Variants in SPTA1 observed in about 807,000 individuals in gnomAD.
SPTA1 encodes spectrin alpha, erythrocytic 1.
A neutral mutation model predicts 324.7 loss-of-function variants in SPTA1; 177 were observed. The ratio of observed to expected loss-of-function variants is 0.55; its 90% CI spans 0.48 to 0.62. SPTA1 has a LOEUF of 0.62. SPTA1 is among the 20% of genes least tolerant of loss of function. The probability of loss-of-function intolerance (pLI) is 0.00; values close to 1 mark genes in which losing one functional copy is unlikely to be tolerated. For synonymous variants in SPTA1, 1,195 were observed against 1,041.3 expected, an observed-to-expected ratio of 1.15 and a Z score of -2.84; for missense variants, 3,162 against 2,883.6, an observed-to-expected ratio of 1.10 and a Z score of -2.21.
intron 47 of SPTA1, among the ~76,000 whole-genome samples, chr1:158,616,255 A>C (rs1470674707): frequency 6.6e-6 from 1 of 152,196 alleles, no homozygotes; most frequent in Non-Finnish European, 1.5e-5. Flanking sequence ...TGCTAGAAAC[A>C]TTCAAAGTAT....
At position 158,661,303 on chromosome 1, in the gene SPTA1, G is replaced by T. The variant is rs754041614; in HGVS notation, c.2571C>A (p.Asn857Lys). Residue 857 changes from asparagine (N) to lysine (K), a missense_variant, in exon 18 of 52, where the codon AAC becomes AAA. Asn to Lys is a moderately conservative substitution (Grantham distance 94, BLOSUM62 0). Coordinates refer to ENST00000643759, the MANE Select transcript of SPTA1 (RefSeq NM_003126.4). ...CATACATACCTTCCTCTACCATTTTGTTTCCCCTTTCTGTTATCTCTTGAA... is the reference window on the plus strand; with the variant it reads ...CATACATACCTTCCTCTACCATTTTTTTTCCCCTTTCTGTTATCTCTTGAA... ...PRIQEITERG[N>K]KMVEEGHFAA... The T allele has an allele frequency of 1.9e-6, 3 of 1,613,830 alleles. No individual in the cohort carries two copies. The Admixed American group carries it at 5.0e-5, about 27-fold the overall frequency.
chr1:158,636,533 C>T (rs545595684), intron 37 of SPTA1, 108 bp downstream of exon 37: 44 of 1,281,432 alleles, frequency 3.4e-5, no homozygotes, highest in Non-Finnish European at 4.6e-5. Flanking sequence ...CTCTCTCTGA[C>T]CTTGACATCC....
intron 3 of SPTA1, among the ~76,000 whole-genome samples, 173 bp from the exon 4 acceptor site, chr1:158,681,840 C>A (rs16840546): frequency 0.032 from 4,896 of 152,206 alleles, 257 homozygotes; most frequent in African/African-American, 0.11. Context: ...AAATAGCTAA[C>A]AAGCCAAGCC....
In SPTA1 at chr1:158,642,522, C is replaced by G. The variant is rs1352401954; in HGVS notation, c.4626G>C (p.Gln1542His). Residue 1542 changes from glutamine to histidine, a missense_variant, in exon 33 of 52, where the codon CAG (glutamine) becomes CAC (histidine). By Grantham distance (24) the Gln-to-His change is conservative (BLOSUM62 0). Coordinates refer to ENST00000643759, the MANE Select transcript of SPTA1 (RefSeq NM_003126.4). ...GGCCATCGACTTCATGTGCAAAGGT[C>G]TGGTGTTTCAGGTATTTCCTCTGAA... Reference protein sequence around the residue: ...TNIQRKYLKHQTFAHEVDGRS... With the variant: ...TNIQRKYLKHHTFAHEVDGRS... 3.1e-6 allele frequency: 5 copies of G among 1,613,348 alleles called. No homozygotes were observed. The African/African-American group carries it at 4.0e-5, about 13-fold the overall frequency.
rs1350371412 is a variant in SPTA1, at chr1:158,623,053, C to A, written c.6050G>T (p.Trp2017Leu). The A allele has an allele frequency of 1.2e-6, 2 of 1,614,156 alleles. No homozygotes were observed. The highest frequency in any genetic ancestry group is 2.2e-5 in the South Asian group (2 of 91,080). ...EERYAALLKR[W>L]EQLLEASAVH... is the part of the protein sequence containing the mutation. ...TGCCGAGGCTTCCAGCAACTGTTCCCAGCGCTTCAGCAGAGCGGCATAACG... is the reference window on the plus strand; with the variant it reads ...TGCCGAGGCTTCCAGCAACTGTTCCAAGCGCTTCAGCAGAGCGGCATAACG... Residue 2017 changes from tryptophan to leucine, a missense_variant, in exon 43 of 52, where the codon TGG becomes TTG. Coordinates refer to ENST00000643759, the MANE Select transcript of SPTA1 (RefSeq NM_003126.4).
intron 39 of SPTA1, among the ~76,000 whole-genome samples, chr1:158,628,189 C>T (rs1335764201): frequency 1.3e-5 from 2 of 152,282 alleles, no homozygotes; most frequent in South Asian, 2.1e-4. Context: ...TGACTGCTTT[C>T]TGGAAACATG....
intron 38 of SPTA1, 47 bp from the exon 39 acceptor site, chr1:158,634,722 A>C (rs1650936252): frequency 1.2e-6 from 2 of 1,611,570 alleles, no homozygotes; most frequent in Non-Finnish European, 1.7e-6. Context: ...CAAACTGGTA[A>C]GCAGTGGGAG....
At position 158,633,907 on chromosome 1, in the gene SPTA1, A is replaced by G. The variant is rs187310641; in HGVS notation, c.5565+636T>C. 6.8e-4 allele frequency among the ~76,000 whole-genome samples: 103 copies of G among 152,320 alleles called. 1 individual carries two copies. The highest frequency in any genetic ancestry group is 6.8e-3 in the Middle Eastern group (2 of 294). On this transcript the variant is annotated intron_variant, in intron 39 of 51. Coordinates refer to ENST00000643759, the MANE Select transcript of SPTA1 (RefSeq NM_003126.4). ...ATCACATTAAAGTGAATTAATTTCT[A>G]CAAAGAGTTCTTGGTAAATTCCCAA... is the stretch of plus-strand genomic sequence containing the variant.
chr1:158,685,612 T>A (rs750996626), intron 1 of SPTA1, among the ~76,000 whole-genome samples: 2 of 152,138 alleles, frequency 1.3e-5, no homozygotes, highest in Non-Finnish European at 2.9e-5. Context: ...TCTATAGATA[T>A]AATTATATTG....
chr1:158,667,717 CA>C, intron 15 of SPTA1, 140 bp downstream of exon 15: 2 of 861,176 alleles, frequency 2.3e-6, no homozygotes, highest in South Asian at 3.6e-5. Flanking sequence ...AAAATTTTAC[CA>C]ATAAAAGAAA....
chr1:158,663,659 T>C (rs1653402413), intron 16 of SPTA1, among the ~76,000 whole-genome samples: 1 of 152,188 alleles, frequency 6.6e-6, no homozygotes, highest in Non-Finnish European at 1.5e-5. Context: ...CCAGGATTTT[T>C]ATTTGCCTTT....
intron 11 of SPTA1, 143 bp from the exon 12 acceptor site, chr1:158,671,596 T>G (rs1041581525): frequency 1.1e-5 from 8 of 710,900 alleles, no homozygotes; most frequent in Admixed American, 8.3e-5. Flanking sequence ...GAAATTAACT[T>G]TAAACAGCAG....
intron 3 of SPTA1, among the ~76,000 whole-genome samples, chr1:158,682,658 A>T (rs2482967): frequency 0.97 from 147,237 of 152,218 alleles, 71,386 homozygotes; most frequent in East Asian, 1. Context: ...TTTGACAATT[A>T]AAAAAATACA....
intron 3 of SPTA1, 109 bp downstream of exon 3, chr1:158,683,262 G>A (rs1480065321): frequency 1.0e-5 from 15 of 1,495,734 alleles, no homozygotes; most frequent in African/African-American, 4.2e-5. Context: ...TAAGAGGCAG[G>A]AGTCCTGGGT....
chr1:158,674,960 G>A lies in SPTA1; in HGVS notation c.1113-285C>T, dbSNP rs1481152114. Reference sequence around the variant, plus strand: ...CCTCAAGGTCACACCTACCCTAGAGGTACTTAAAATGGAGTAAGGTGCTCA... The same window carrying A: ...CCTCAAGGTCACACCTACCCTAGAGATACTTAAAATGGAGTAAGGTGCTCA... On this transcript the variant is annotated intron_variant, in intron 8 of 51. Transcript: ENST00000643759. Among the ~76,000 whole-genome samples, 7 of 152,058 alleles carry A rather than the reference G, an allele frequency of 4.6e-5. No homozygotes were observed. In the South Asian group the frequency reaches 1.2e-3, roughly 27 times the overall value.
Position 158,652,485 on chromosome 1 carries a change from C to CA in SPTA1, c.3356_3357insT (p.Lys1119AsnfsTer3), listed in dbSNP as rs1557960735. ...TTCTCACCTTTTGGAACTCATCAAA[C>CA]TTTTTCTGCAGCTCCCAAACATCAT... On this transcript the variant is annotated frameshift_variant, in exon 23 of 52. Coordinates refer to ENST00000643759, the MANE Select transcript of SPTA1 (RefSeq NM_003126.4). LOFTEE classifies it high-confidence loss of function. The CA allele has an allele frequency of 6.2e-7, 1 of 1,614,140 alleles. No individual in the cohort carries two copies. Among genetic ancestry groups the CA allele is most frequent in the Non-Finnish European group, 8.5e-7 (1 of 1,180,016 alleles).
chr1:158,681,028 A>G (rs113140860), intron 4 of SPTA1, among the ~76,000 whole-genome samples: 11 of 152,230 alleles, frequency 7.2e-5, no homozygotes, highest in African/African-American at 2.4e-4. Flanking sequence ...TCCTGTTTCT[A>G]CTCAATTCAA....
chr1:158,660,962 C>A (rs920795318), intron 18 of SPTA1, among the ~76,000 whole-genome samples: 11 of 152,138 alleles, frequency 7.2e-5, no homozygotes, highest in African/African-American at 2.7e-4. Flanking sequence ...GAAAAGAGAC[C>A]TGATTTAATT....
chr1:158,656,572 C>T lies in SPTA1; in HGVS notation c.2890G>A (p.Ala964Thr), dbSNP rs1011999071. The change falls in exon 20 of 52, where the codon GCC (alanine) becomes ACC (threonine). Residue 964 changes from alanine to threonine, a missense_variant. By Grantham distance (58) the Ala-to-Thr change is moderately conservative. Coordinates refer to ENST00000643759, the MANE Select transcript of SPTA1 (RefSeq NM_003126.4). ...SMKALRNQAN[A>T]CQQQQAAPVE... ...CGCTAAGTTAGTCTTACCTGGCAGG[C>T]GTTTGCCTGATTCCGCAGAGCTTTC... 9.3e-6 allele frequency: 15 copies of T among 1,613,522 alleles called. No homozygotes were observed. Among genetic ancestry groups the T allele is most frequent in the Middle Eastern group, 1.6e-4 (1 of 6,082 alleles).
Sources: gnomAD v4.1 joint callset for allele counts (sites outside exome capture counted in the v4.1 genomes callset) on GRCh38, gnomAD v4.1.1 for gene constraint, MANE v1.5 for transcripts, NCBI Gene and HGNC (gene_info 2026-07-23, HGNC 2026-07-21) for gene names.